The following KCNIP4 variants were observed in gnomAD, a reference collection of about 807,000 sequenced individuals.
KCNIP4 encodes the protein potassium voltage-gated channel interacting protein 4.
KCNIP4 carries 12 observed loss-of-function variants against 34.0 expected under a neutral mutation model. That is an observed-to-expected ratio of 0.35 (90% CI 0.23 to 0.57). The LOEUF (loss-of-function observed/expected upper bound fraction) is 0.57. KCNIP4 is among the 20% of genes least tolerant of loss of function. The pLI is 0.83. For synonymous variants in KCNIP4, 124 were observed against 102.2 expected, an observed-to-expected ratio of 1.21 and a Z score of -1.29; for missense variants, 238 against 311.7, an observed-to-expected ratio of 0.76 and a Z score of 1.78.
At chr4:21,725,514 G>A (rs1301732316) in intron 1 of KCNIP4, among the ~76,000 whole-genome samples, 1 of 152,158 alleles carries the variant, frequency 6.6e-6, no homozygotes, top group Non-Finnish European at 1.5e-5. Context: ...TGATGCATCT[G>A]GCTCTGGCAG....
chr4:21,793,125 G>T (rs1345937520), intron 1 of KCNIP4, among the ~76,000 whole-genome samples: 2 of 152,148 alleles, frequency 1.3e-5, no homozygotes, highest in African/African-American at 4.8e-5. Flanking sequence ...AGCCTAAAAT[G>T]AGTTTCTGAG....
In KCNIP4 at chr4:20,958,042, G is replaced by A. The variant is rs559214135; in HGVS notation, c.62-75333C>T. Among the ~76,000 whole-genome samples the A allele has an allele frequency of 2.6e-5, 4 of 152,298 alleles. No individual in the cohort carries two copies. In the South Asian group the frequency reaches 6.2e-4, roughly 24 times the overall value. On this transcript the variant is annotated intron_variant, in intron 1 of 8. Transcript: ENST00000382152. ...AAAATGATTCAAATCATCGAGCCAG[G>A]CAAGGATTACATTTGTAAATTTTGT...
At chr4:21,239,828 G>T (rs1759665977) in intron 1 of KCNIP4, among the ~76,000 whole-genome samples, 1 of 152,074 alleles carries the variant, frequency 6.6e-6, no homozygotes, top group African/African-American at 2.4e-5. Flanking sequence ...ATTCCTCAGG[G>T]ATCTAGAACT....
intron 3 of KCNIP4, among the ~76,000 whole-genome samples, chr4:20,806,461 C>T (rs917225157): frequency 6.6e-6 from 1 of 151,888 alleles, no homozygotes; most frequent in Admixed American, 6.6e-5. Flanking sequence ...TATTTTGTTG[C>T]AACTTGTTTT....
chr4:21,247,869 C>T (rs1221990408), intron 1 of KCNIP4, among the ~76,000 whole-genome samples: 3 of 137,472 alleles, frequency 2.2e-5, no homozygotes, highest in Non-Finnish European at 4.6e-5. Context: ...TATATATACA[C>T]ACACACACAC....
intron 1 of KCNIP4, among the ~76,000 whole-genome samples, chr4:21,247,347 A>G (rs1577957277): frequency 6.6e-6 from 1 of 151,976 alleles, no homozygotes; most frequent in East Asian, 1.9e-4. Flanking sequence ...AGGTGTTGTG[A>G]TTTTGTGAAC....
chr4:21,801,008 G>A (rs1720956776), intron 1 of KCNIP4, among the ~76,000 whole-genome samples: 1 of 152,124 alleles, frequency 6.6e-6, no homozygotes, highest in Non-Finnish European at 1.5e-5. Context: ...CAGAAACTTT[G>A]CAAGGCACTG....
chr4:21,440,185 T>A (rs1727336260), intron 1 of KCNIP4, among the ~76,000 whole-genome samples: 1 of 152,228 alleles, frequency 6.6e-6, no homozygotes, highest in Admixed American at 6.5e-5. Context: ...ATATCATTAA[T>A]AGTACAAGCC....
Position 21,717,630 on chromosome 4 carries a change from T to C in KCNIP4, c.61+230941A>G, listed in dbSNP as rs181569286. Among the ~76,000 whole-genome samples the C allele has an allele frequency of 2.3e-3, 348 of 152,262 alleles. 1 individual carries two copies. The highest frequency in any genetic ancestry group is 2.2e-3 in the Non-Finnish European group (152 of 68,016). On this transcript the variant is annotated intron_variant, in intron 1 of 8. Coordinates refer to ENST00000382152, the MANE Select transcript of KCNIP4 (RefSeq NM_025221.6). ...GACTGGAGCAAAGAGCAAACAGCTA[T>C]CAGTTCTTAATTTTACTCTTGATTG...
intron 2 of KCNIP4, among the ~76,000 whole-genome samples, chr4:20,866,244 C>A (rs562595025): frequency 6.6e-6 from 1 of 151,856 alleles, no homozygotes; most frequent in South Asian, 2.1e-4. Flanking sequence ...TGAATACAGA[C>A]AAAAAAATCC....
At chr4:21,109,447 C>G (rs1348702171) in intron 1 of KCNIP4, among the ~76,000 whole-genome samples, 1 of 123,094 alleles carries the variant, frequency 8.1e-6, no homozygotes, top group Non-Finnish European at 1.8e-5. Flanking sequence ...TTTTTAAGCC[C>G]GTCAGAAAAG....
intron 1 of KCNIP4, among the ~76,000 whole-genome samples, chr4:21,859,921 C>G (rs1346675018): frequency 6.6e-6 from 1 of 151,918 alleles, no homozygotes; most frequent in African/African-American, 2.4e-5. Flanking sequence ...GTAGTCCCAG[C>G]TACTCACTAC....
intron 1 of KCNIP4, among the ~76,000 whole-genome samples, chr4:21,118,549 C>G (rs2109126649): frequency 1.3e-5 from 2 of 152,274 alleles, no homozygotes; most frequent in Middle Eastern, 6.8e-3. Context: ...TGCCAAAATG[C>G]AAGTTGCAAG....
At chr4:20,955,669 T>C (rs1733226306) in intron 1 of KCNIP4, among the ~76,000 whole-genome samples, 1 of 152,098 alleles carries the variant, frequency 6.6e-6, no homozygotes, top group Non-Finnish European at 1.5e-5. Flanking sequence ...AAAAATTGAG[T>C]AGACATAGTT....
chr4:21,237,251 G>A lies in KCNIP4; in HGVS notation c.62-354542C>T, dbSNP rs1759435017. ...GTGCTAAGGTGCTGGAGATATAAAC[G>A]AAACAAGTTAGACAAGGTGCTTGTC... On this transcript the variant is annotated intron_variant, in intron 1 of 8. Coordinates refer to ENST00000382152, the MANE Select transcript of KCNIP4 (RefSeq NM_025221.6). 3.3e-5 allele frequency among the ~76,000 whole-genome samples: 5 copies of A among 152,236 alleles called. No homozygotes were observed. In the South Asian group the frequency reaches 8.3e-4, roughly 25 times the overall value.
intron 1 of KCNIP4, among the ~76,000 whole-genome samples, chr4:21,090,543 G>A (rs922683674): frequency 2.0e-5 from 3 of 152,026 alleles, no homozygotes; most frequent in African/African-American, 7.2e-5. Context: ...TCACACTAAA[G>A]GTACTACTTA....
At chr4:21,705,241 T>C (rs1486665054) in intron 1 of KCNIP4, among the ~76,000 whole-genome samples, 2 of 152,108 alleles carry the variant, frequency 1.3e-5, no homozygotes, top group Non-Finnish European at 2.9e-5. Context: ...GCATTCGCTA[T>C]AGAAGTGCAA....
chr4:21,556,922 G>GAAAAAAAA (rs1253971751), intron 1 of KCNIP4, among the ~76,000 whole-genome samples: 11 of 70,786 alleles, frequency 1.6e-4, no homozygotes, highest in Non-Finnish European at 2.7e-4. Flanking sequence ...CTCCATCTCA[G>GAAAAAAAA]AAAAAAAAAA....
intron 2 of KCNIP4, among the ~76,000 whole-genome samples, chr4:20,858,574 A>G (rs1285351335): frequency 6.6e-6 from 1 of 152,176 alleles, no homozygotes; most frequent in East Asian, 1.9e-4. Context: ...TATCATCCCT[A>G]TTTTATAAAT....
Sources: allele counts gnomAD v4.1 joint callset (sites outside exome capture counted in the v4.1 genomes callset), GRCh38; gene constraint gnomAD v4.1.1; transcripts MANE v1.5; gene names NCBI Gene and HGNC (gene_info 2026-07-23, HGNC 2026-07-21).